The following SASH1 variants were observed in gnomAD, a reference collection of about 807,000 sequenced individuals.
SASH1 encodes the protein SAM and SH3 domain-containing protein 1.
In SASH1, 44 loss-of-function variants were observed where a neutral mutation model predicts 125.2. That is an observed-to-expected ratio of 0.35 (90% CI 0.28 to 0.45). SASH1 has a LOEUF of 0.45. Among genes scored for constraint, SASH1 ranks in the 20% least tolerant of loss-of-function variants. SASH1 has a pLI of 1.00. For synonymous variants in SASH1, 639 were observed against 649.1 expected (o/e 0.98, Z 0.24); for missense variants, 1,426 against 1,614.5 (o/e 0.88, Z 2.00).
intron 1 of SASH1, among the ~76,000 whole-genome samples, chr6:148,285,201 G>A (rs900255208): frequency 8.5e-5 from 13 of 152,202 alleles, no homozygotes; most frequent in Admixed American, 8.5e-4. Flanking sequence ...CAAGAAAAAG[G>A]GAGGGAGGGA....
At chr6:148,307,282 C>G (rs1780170629) in intron 1 of SASH1, among the ~76,000 whole-genome samples, 3 of 151,824 alleles carry the variant, frequency 2.0e-5, no homozygotes, top group Non-Finnish European at 4.4e-5. Flanking sequence ...CCATGCCTGG[C>G]TAATTTTGTA....
intron 8 of SASH1, among the ~76,000 whole-genome samples, chr6:148,490,500 G>A (rs1779064190): frequency 6.6e-6 from 1 of 152,184 alleles, no homozygotes. Context: ...GAGCCACTGC[G>A]CCTGGCCTCA....
Position 148,489,409 on chromosome 6 carries a change from C to T in SASH1, c.729+1694C>T, listed in dbSNP as rs143237116. ...TTGAAATTAGGAAGTATGACACCTC[C>T]GATTTTGTTCTAGTTTTTTAAGGTT... On this transcript the variant is annotated intron_variant, in intron 8 of 19. Transcript: ENST00000367467. Among the ~76,000 whole-genome samples the T allele has an allele frequency of 5.3e-4, 80 of 152,222 alleles. 1 individual carries two copies. In the East Asian group the frequency reaches 9.8e-3, roughly 19 times the overall value.
intron 2 of SASH1, among the ~76,000 whole-genome samples, chr6:148,399,214 C>CTTTTTTTTTTT (rs371374910): frequency 2.4e-4 from 26 of 106,652 alleles, no homozygotes; most frequent in African/African-American, 6.3e-4. Context: ...ATTTCAGCTT[C>CTTTTTTTTTTT]TTTTTTTTTT....
In SASH1 at chr6:148,531,531, G is replaced by A. The variant is rs758819147; in HGVS notation, c.1434G>A (p.Ser478=). 22 of 1,525,690 alleles carry A rather than the reference G, an allele frequency of 1.4e-5. No individual in the cohort carries two copies. The South Asian group carries it at 1.9e-4, about 13-fold the overall frequency. The allele number at this position is 1,525,690 out of a possible 1,614,324, so 94.5% of individuals were successfully genotyped here. Reference sequence around the variant, plus strand: ...TTTGTTGAAACCCATGGCAGGACTCGGGCCTTGATGGAATGCCTGGCTCCC... The same window carrying A: ...TTTGTTGAAACCCATGGCAGGACTCAGGCCTTGATGGAATGCCTGGCTCCC... ...KYSSSVSEQD[S]GLDGMPGSPP... is the part of the protein sequence containing the mutation. The change falls in exon 13 of 20, where the codon TCG becomes TCA. Residue 478 remains serine (S), a synonymous_variant. Coordinates refer to ENST00000367467, the MANE Select transcript of SASH1 (RefSeq NM_015278.5).
At chr6:148,397,340 G>C (rs753915942) in intron 2 of SASH1, among the ~76,000 whole-genome samples, 1 of 152,226 alleles carries the variant, frequency 6.6e-6, no homozygotes, top group South Asian at 2.1e-4. Context: ...AAAAAATTTA[G>C]CCAGGTGTGG....
chr6:148,196,656 T>A, the SASH1 span, among the ~76,000 whole-genome samples: 1 of 152,284 alleles, frequency 6.6e-6, no homozygotes, highest in South Asian at 2.1e-4. Context: ...CTATGGAGAA[T>A]ACAGAGGAAG....
the SASH1 span, among the ~76,000 whole-genome samples, chr6:148,233,106 C>T: frequency 2.0e-5 from 3 of 151,540 alleles, no homozygotes; most frequent in Middle Eastern, 3.4e-3. Context: ...CCCAGATACT[C>T]GGGAGGCTGA....
intron 1 of SASH1, among the ~76,000 whole-genome samples, chr6:148,354,227 A>G (rs573006845): frequency 6.6e-6 from 1 of 152,340 alleles, no homozygotes; most frequent in Non-Finnish European, 1.5e-5. Flanking sequence ...ATGCTTTTGA[A>G]TAGCCAAGAT....
At chr6:148,494,739 C>T (rs1265428779) in intron 8 of SASH1, among the ~76,000 whole-genome samples, 2 of 152,208 alleles carry the variant, frequency 1.3e-5, no homozygotes, top group Non-Finnish European at 2.9e-5. Flanking sequence ...TTCCATTCAA[C>T]CATATGTACA....
intron 1 of SASH1, among the ~76,000 whole-genome samples, chr6:148,389,686 T>G (rs7751392): frequency 0.85 from 129,930 of 152,056 alleles, 55,540 homozygotes; most frequent in Admixed American, 0.91. Context: ...AGCTTCCCAG[T>G]AGGTGGTGGT....
At chr6:148,520,118 G>T (rs551640766) in intron 10 of SASH1, 2 of 542,636 alleles carry the variant, frequency 3.7e-6, no homozygotes, top group Admixed American at 6.4e-5. Context: ...AAGGGGGCGG[G>T]AGCTGCGGCT....
At position 148,551,643 on chromosome 6, in the gene SASH1, T is replaced by C. The variant is rs1448673763; in HGVS notation, c.*3085T>C. On this transcript the variant is annotated 3_prime_UTR_variant, in exon 20 of 20. Coordinates refer to ENST00000367467, the MANE Select transcript of SASH1 (RefSeq NM_015278.5). ...AAAGGTCAACTTGCCAAGTCACTGC[T>C]GCCATGTGTGTACTGTATTATTTTC... is the stretch of plus-strand genomic sequence containing the variant. 1 of 152,512 alleles carries C rather than the reference T, an allele frequency of 6.6e-6. No individual in the cohort carries two copies. The highest frequency in any genetic ancestry group is 1.5e-5 in the Non-Finnish European group (1 of 68,052). The allele number at this position is 152,512 out of a possible 1,614,324, so 9.4% of individuals were successfully genotyped here. A position where few individuals can be genotyped will look rare whatever the true frequency, so the allele number is the denominator to read the frequency against.
chr6:148,275,521 C>T (rs751899865), intron 1 of SASH1, among the ~76,000 whole-genome samples: 1 of 152,190 alleles, frequency 6.6e-6, no homozygotes, highest in Non-Finnish European at 1.5e-5. Flanking sequence ...GTCAAACTTC[C>T]ACCTCTCTAC....
Position 148,548,646 on chromosome 6 carries a change from T to C in SASH1, c.*88T>C. 7.0e-7 allele frequency: 1 copy of C among 1,434,868 alleles called. No individual in the cohort carries two copies. Among genetic ancestry groups the C allele is most frequent in the Non-Finnish European group, 9.4e-7 (1 of 1,068,108 alleles). 88.9% of individuals were successfully genotyped at this position (1,434,868 alleles called of 1,614,324 possible). A position where few individuals can be genotyped will look rare whatever the true frequency, so the allele number is the denominator to read the frequency against. On this transcript the variant is annotated 3_prime_UTR_variant, in exon 20 of 20. Transcript: ENST00000367467. ...GCAATTCCTCCATCATCTCTGGACG[T>C]GCAGACCAGATCCAGAAGAAAGGCC...
the SASH1 span, among the ~76,000 whole-genome samples, chr6:148,255,429 C>A: frequency 2.6e-5 from 4 of 152,134 alleles, no homozygotes; most frequent in African/African-American, 9.7e-5. Context: ...TTAATTACCT[C>A]CTTAAAGACC....
At chr6:148,415,467 G>A (rs962992935) in intron 2 of SASH1, among the ~76,000 whole-genome samples, 6 of 152,118 alleles carry the variant, frequency 3.9e-5, no homozygotes. Flanking sequence ...TATTAATTTT[G>A]CAGGAAATAT....
intron 7 of SASH1, among the ~76,000 whole-genome samples, 188 bp downstream of exon 7, chr6:148,474,410 G>C (rs1778252283): frequency 6.6e-6 from 1 of 152,192 alleles, no homozygotes; most frequent in African/African-American, 2.4e-5. Flanking sequence ...AAACGTGAAT[G>C]AATGAATGGC....
chr6:148,293,084 C>T (rs114474036), intron 1 of SASH1, among the ~76,000 whole-genome samples: 2,701 of 151,918 alleles, frequency 0.018, 80 homozygotes, highest in African/African-American at 0.062. Context: ...TGTGAATCAA[C>T]AGCAGCCCAG....
Sources: gnomAD v4.1 joint callset for allele counts (sites outside exome capture counted in the v4.1 genomes callset) on GRCh38, gnomAD v4.1.1 for gene constraint, MANE v1.5 for transcripts, NCBI Gene and HGNC (gene_info 2026-07-23, HGNC 2026-07-21) for gene names.